SUGCT: variants seen among roughly 807,000 people sequenced by gnomAD.
SUGCT encodes succinyl-CoA:glutarate CoA-transferase.
In SUGCT, 41 loss-of-function variants were observed where a neutral mutation model predicts 55.0. That is an observed-to-expected ratio of 0.74 (90% CI 0.58 to 0.97). The LOEUF is 0.97. Among genes scored for constraint, SUGCT ranks in the 50% least tolerant of loss-of-function variants. The pLI is 0.00. For missense variants in SUGCT, 568 were observed against 547.8 expected, an observed-to-expected ratio of 1.04 and a Z score of -0.37; for synonymous variants, 187 against 200.4, an observed-to-expected ratio of 0.93 and a Z score of 0.56.
chr7:40,140,250 T>G (rs1445532152), intron 1 of SUGCT, among the ~76,000 whole-genome samples: 1 of 152,170 alleles, frequency 6.6e-6, no homozygotes, highest in Non-Finnish European at 1.5e-5. Context: ...AGTTTCATTC[T>G]TCTGCATATG....
intron 12 of SUGCT, among the ~76,000 whole-genome samples, chr7:40,700,908 A>G (rs2128661806): frequency 6.6e-6 from 1 of 152,202 alleles, no homozygotes; most frequent in East Asian, 1.9e-4. Context: ...CCGCAGAACC[A>G]AAACCAAACC....
chr7:40,165,917 A>G (rs1054308765), intron 1 of SUGCT, among the ~76,000 whole-genome samples: 1 of 152,156 alleles, frequency 6.6e-6, no homozygotes, highest in African/African-American at 2.4e-5. Flanking sequence ...ATCAGGAATT[A>G]AAGACCAGCC....
chr7:40,963,523 C>G, the SUGCT span, among the ~76,000 whole-genome samples: 1 of 152,130 alleles, frequency 6.6e-6, no homozygotes, highest in Non-Finnish European at 1.5e-5. Context: ...TTACCTGGAG[C>G]CAATTTGTAT....
intron 1 of SUGCT, among the ~76,000 whole-genome samples, chr7:40,148,299 A>T (rs1788371942): frequency 6.6e-6 from 1 of 152,226 alleles, no homozygotes; most frequent in Non-Finnish European, 1.5e-5. Context: ...ACTCCTATCT[A>T]ACACAGGCAA....
chr7:40,502,506 A>G (rs1792342051), intron 12 of SUGCT, among the ~76,000 whole-genome samples: 1 of 152,016 alleles, frequency 6.6e-6, no homozygotes, highest in Non-Finnish European at 1.5e-5. Flanking sequence ...TTAATTCAAT[A>G]TTAAATTAAT....
At chr7:40,908,459 A>G in the SUGCT span, among the ~76,000 whole-genome samples, 1 of 151,996 alleles carries the variant, frequency 6.6e-6, no homozygotes, top group South Asian at 2.1e-4. Flanking sequence ...AAACTTAATA[A>G]TATACCACTT....
In SUGCT at chr7:40,482,873, G is replaced by A. The variant is rs974219242; in HGVS notation, c.987-13411G>A. Among the ~76,000 whole-genome samples the A allele has an allele frequency of 5.3e-5, 8 of 152,308 alleles. No individual in the cohort carries two copies. In the East Asian group the frequency reaches 5.8e-4, roughly 11 times the overall value. On this transcript the variant is annotated intron_variant, in intron 11 of 13. Transcript: ENST00000335693. ...TTTTTAAGAGCAAGTTATATGGAAT[G>A]TACTGAGCCATCTTGAGATTGAAAG...
At chr7:40,646,709 A>G (rs1035450433) in intron 12 of SUGCT, among the ~76,000 whole-genome samples, 25 of 152,050 alleles carry the variant, frequency 1.6e-4, no homozygotes, top group Admixed American at 5.9e-4. Flanking sequence ...GCCTTCCCCA[A>G]CTACCCAATC....
intron 12 of SUGCT, among the ~76,000 whole-genome samples, chr7:40,506,156 T>C (rs1385129423): frequency 2.0e-5 from 3 of 152,170 alleles, no homozygotes; most frequent in Non-Finnish European, 2.9e-5. Context: ...AAAGATTTTC[T>C]TTGGTGTTCA....
intron 9 of SUGCT, among the ~76,000 whole-genome samples, chr7:40,355,706 T>C (rs1310563466): frequency 2.6e-5 from 4 of 152,242 alleles, no homozygotes; most frequent in Non-Finnish European, 5.9e-5. Context: ...AATTCTTTTT[T>C]TGGGAGGATT....
chr7:40,869,078 G>A, the SUGCT span, among the ~76,000 whole-genome samples: 1 of 152,054 alleles, frequency 6.6e-6, no homozygotes, highest in African/African-American at 2.4e-5. Flanking sequence ...TCTCACTTGG[G>A]TAGGCAGAAT....
the SUGCT span, among the ~76,000 whole-genome samples, chr7:40,990,515 A>G: frequency 2.0e-5 from 3 of 152,180 alleles, no homozygotes; most frequent in East Asian, 1.9e-4. Context: ...CGAATGGTAA[A>G]TGAGCATTGG....
chr7:40,213,239 A>C (rs1787445689), intron 6 of SUGCT, among the ~76,000 whole-genome samples: 1 of 152,196 alleles, frequency 6.6e-6, no homozygotes, highest in African/African-American at 2.4e-5. Context: ...AGCATGTGGT[A>C]CTGCATTTAA....
In SUGCT at chr7:40,629,134, CCTT is replaced by C. The variant is rs1799666370; in HGVS notation, c.1090-120296_1090-120294del. Among the ~76,000 whole-genome samples the C allele has an allele frequency of 3.9e-5, 6 of 152,278 alleles. No individual in the cohort carries two copies. In the South Asian group the frequency reaches 1.2e-3, roughly 32 times the overall value. On this transcript the variant is annotated intron_variant, in intron 12 of 13. Coordinates refer to ENST00000335693, the MANE Select transcript of SUGCT (RefSeq NM_001193313.2). ...CAGGAACCCTGGCCTTTCCAAAGCT[CCTT>C]CTTGAGTATTTCAGCGCAGTTCATG... is the stretch of plus-strand genomic sequence containing the variant.
chr7:40,897,244 T>C, the SUGCT span, among the ~76,000 whole-genome samples: 2 of 152,210 alleles, frequency 1.3e-5, no homozygotes, highest in Admixed American at 1.3e-4. Context: ...GTGCTGGAAC[T>C]GTGAAACTAC....
intron 13 of SUGCT, among the ~76,000 whole-genome samples, chr7:40,754,550 A>T (rs1196634403): frequency 6.6e-6 from 1 of 152,210 alleles, no homozygotes; most frequent in Non-Finnish European, 1.5e-5. Context: ...TTGGCCAGGG[A>T]AACAGGCATG....
chr7:40,146,351 A>G (rs1466716377), intron 1 of SUGCT, among the ~76,000 whole-genome samples: 1 of 152,124 alleles, frequency 6.6e-6, no homozygotes, highest in African/African-American at 2.4e-5. Flanking sequence ...GCTGAGACCA[A>G]CTCAGTCATG....
chr7:40,902,655 C>T, the SUGCT span, among the ~76,000 whole-genome samples: 1 of 151,748 alleles, frequency 6.6e-6, no homozygotes, highest in Non-Finnish European at 1.5e-5. Flanking sequence ...AAGCCATCTC[C>T]TTGTATTTCT....
At chr7:40,324,240 A>ATATATATATATATATAT (rs1562681019) in intron 9 of SUGCT, among the ~76,000 whole-genome samples, 4 of 51,636 alleles carry the variant, frequency 7.7e-5, no homozygotes, top group African/African-American at 2.8e-4. Flanking sequence ...TATATAAATA[A>ATATATATATATATATAT]ATAAATAAAT....
Sources: allele counts gnomAD v4.1 joint callset (sites outside exome capture counted in the v4.1 genomes callset), GRCh38; gene constraint gnomAD v4.1.1; transcripts MANE v1.5; gene names NCBI Gene and HGNC (gene_info 2026-07-23, HGNC 2026-07-21).